Variants in FLT1 observed in about 807,000 individuals in gnomAD.
The protein encoded by FLT1 is vascular endothelial growth factor receptor 1.
A neutral mutation model predicts 156.3 loss-of-function variants in FLT1; 49 were observed. That is an observed-to-expected ratio of 0.31 (90% confidence interval 0.25 to 0.40). The LOEUF is 0.40. Among genes scored for constraint, FLT1 ranks in the 10% least tolerant of loss-of-function variants. The probability of loss-of-function intolerance (pLI) is 1.00; values close to 1 mark genes in which losing one functional copy is unlikely to be tolerated. For synonymous variants in FLT1, 594 were observed against 583.8 expected (o/e 1.02, Z -0.25); for missense variants, 1,322 against 1,637.2 (o/e 0.81, Z 3.32).
chr13:28,386,285 T>C, intron 13 of FLT1: 1 of 1,044,862 alleles, frequency 9.6e-7, no homozygotes, highest in Non-Finnish European at 1.2e-6. Context: ...TAGCATTTGT[T>C]AAAGCAATTT....
At chr13:28,313,561 C>T (rs1815885521) in intron 25 of FLT1, among the ~76,000 whole-genome samples, 1 of 152,142 alleles carries the variant, frequency 6.6e-6, no homozygotes, top group Non-Finnish European at 1.5e-5. Flanking sequence ...GGGCTGTAAG[C>T]ACTATGTGGG....
chr13:28,378,518 G>A lies in FLT1; in HGVS notation c.2116+6367C>T, dbSNP rs533537801. Among the ~76,000 whole-genome samples the A allele has an allele frequency of 1.4e-4, 22 of 152,352 alleles. 1 individual carries two copies. Among genetic ancestry groups the A allele is most frequent in the Admixed American group, 1.1e-3 (17 of 15,300 alleles). On this transcript the variant is annotated intron_variant, in intron 14 of 29. Transcript: ENST00000282397. ...AATGCCCATATGTTCAGTGTGCAGAGTGCAGGCTTCAGAGTCAAATTCTTC... is the reference window on the plus strand; with the variant it reads ...AATGCCCATATGTTCAGTGTGCAGAATGCAGGCTTCAGAGTCAAATTCTTC...
At chr13:28,436,875 C>T (rs1878054119) in intron 4 of FLT1, among the ~76,000 whole-genome samples, 1 of 152,194 alleles carries the variant, frequency 6.6e-6, no homozygotes, top group South Asian at 2.1e-4. Context: ...TTACCCCCTT[C>T]CTCAGATGGG....
At chr13:28,397,749 C>T (rs1292370624) in intron 11 of FLT1, among the ~76,000 whole-genome samples, 4 of 129,872 alleles carry the variant, frequency 3.1e-5, no homozygotes, top group Admixed American at 7.8e-5. Context: ...TGAAGGAGAC[C>T]GTGTGTGTGT....
chr13:28,480,043 A>G (rs1880751722), intron 1 of FLT1, among the ~76,000 whole-genome samples: 1 of 152,202 alleles, frequency 6.6e-6, no homozygotes, highest in African/African-American at 2.4e-5. Flanking sequence ...CTCCCATGAA[A>G]TTAAGCCACC....
chr13:28,456,456 A>G (rs1185967245), intron 3 of FLT1, among the ~76,000 whole-genome samples: 2 of 152,288 alleles, frequency 1.3e-5, no homozygotes, highest in African/African-American at 4.8e-5. Flanking sequence ...TATGATTCCA[A>G]CTACATGAAT....
At chr13:28,463,438 C>A (rs911901890) in intron 3 of FLT1, among the ~76,000 whole-genome samples, 6 of 152,148 alleles carry the variant, frequency 3.9e-5, no homozygotes, top group Non-Finnish European at 5.9e-5. Flanking sequence ...ACTCCTGATT[C>A]TTTTTCTTAA....
In FLT1 at chr13:28,434,864, T is replaced by C. The variant is rs181818406; in HGVS notation, c.514-644A>G. ...CACCACTGCACTCCAGCCTGGGTGA[T>C]AGAACGAGACTCTGTCTCAAAAACA... On this transcript the variant is annotated intron_variant, in intron 4 of 29. Coordinates refer to ENST00000282397, the MANE Select transcript of FLT1 (RefSeq NM_002019.4). 8.6e-4 allele frequency among the ~76,000 whole-genome samples: 131 copies of C among 152,248 alleles called. No homozygotes were observed. In the Middle Eastern group the frequency reaches 0.014, roughly 16 times the overall value.
chr13:28,462,050 G>A (rs666332), intron 3 of FLT1, among the ~76,000 whole-genome samples: 21,343 of 152,122 alleles, frequency 0.14, 2,635 homozygotes, highest in African/African-American at 0.33. Flanking sequence ...CTTTTCGATT[G>A]TAATTTTTCA....
At chr13:28,493,657 C>G (rs906505487) in intron 1 of FLT1, among the ~76,000 whole-genome samples, 7 of 152,172 alleles carry the variant, frequency 4.6e-5, no homozygotes, top group African/African-American at 1.4e-4. Flanking sequence ...AAAGGCGCTC[C>G]GAAATCTGGC....
intron 1 of FLT1, among the ~76,000 whole-genome samples, chr13:28,483,897 T>C (rs530049538): frequency 6.6e-6 from 1 of 152,364 alleles, no homozygotes; most frequent in African/African-American, 2.4e-5. Context: ...TCATTCAAGA[T>C]ACTTTGAGTA....
chr13:28,388,407 C>T (rs1874499087), intron 13 of FLT1: 2 of 1,055,872 alleles, frequency 1.9e-6, no homozygotes, highest in Non-Finnish European at 2.3e-6. Context: ...TCCTATTGAA[C>T]TGCCCAGCCA....
At chr13:28,348,533 T>C (rs1242137298) in intron 15 of FLT1, among the ~76,000 whole-genome samples, 1 of 152,198 alleles carries the variant, frequency 6.6e-6, no homozygotes, top group African/African-American at 2.4e-5. Flanking sequence ...CCATAACTTA[T>C]TCACCCTACT....
chr13:28,464,732 T>C (rs556648254), intron 3 of FLT1, among the ~76,000 whole-genome samples: 5 of 152,346 alleles, frequency 3.3e-5, no homozygotes, highest in African/African-American at 1.2e-4. Flanking sequence ...TCCTTTGTGA[T>C]AGTAGGGGAC....
chr13:28,401,438 G>GTTCC (rs1324699019), intron 11 of FLT1, among the ~76,000 whole-genome samples: 3 of 152,118 alleles, frequency 2.0e-5, no homozygotes, highest in Admixed American at 6.5e-5. Flanking sequence ...AGTTTTTCAT[G>GTTCC]TTCCTTCCTT....
intron 29 of FLT1, among the ~76,000 whole-genome samples, chr13:28,306,343 C>T (rs1017552806): frequency 5.3e-5 from 8 of 152,088 alleles, no homozygotes; most frequent in Non-Finnish European, 8.8e-5. Context: ...ACAGCGGGGG[C>T]ATCCTCTCCC....
rs150133515 is a variant in FLT1, at chr13:28,389,387, G to A, written c.1969+409C>T. On this transcript the variant is annotated intron_variant, in intron 13 of 29. Transcript: ENST00000282397. The stretch of plus-strand genomic sequence containing the variant: ...CAGCTTCAACACTTAAAAATAAAAA[G>A]AGGTTGGCATCAAAATGGAAGGAAA... 17 of 1,266,554 alleles carry A rather than the reference G, an allele frequency of 1.3e-5. No homozygotes were observed. The East Asian group carries it at 5.0e-4, about 37-fold the overall frequency. 78.5% of individuals were successfully genotyped at this position (1,266,554 alleles called of 1,614,324 possible). A position where few individuals can be genotyped will look rare whatever the true frequency, so the allele number is the denominator to read the frequency against.
At chr13:28,326,364 G>A (rs561613865) in intron 20 of FLT1, among the ~76,000 whole-genome samples, 105 of 152,224 alleles carry the variant, frequency 6.9e-4, no homozygotes, top group African/African-American at 2.4e-3. Context: ...ACACTACATG[G>A]GTTCATCACC....
chr13:28,481,311 G>A (rs973566815), intron 1 of FLT1, among the ~76,000 whole-genome samples: 1 of 152,118 alleles, frequency 6.6e-6, no homozygotes, highest in Admixed American at 6.6e-5. Context: ...AACATGGCCA[G>A]CTTAGCCAAA....
Sources: gnomAD v4.1 joint callset for allele counts (sites outside exome capture counted in the v4.1 genomes callset) on GRCh38, gnomAD v4.1.1 for gene constraint, MANE v1.5 for transcripts, NCBI Gene and HGNC (gene_info 2026-07-23, HGNC 2026-07-21) for gene names.